BBOF1: variants seen among roughly 807,000 people sequenced by gnomAD.
The protein encoded by BBOF1 is basal body orientation factor 1, also known as basal body-orientation factor 1.
Under a neutral mutation model 68.0 loss-of-function variants are expected in BBOF1, and 62 were observed. The observed-to-expected ratio is 0.91, with a 90% CI of 0.74 to 1.13. The LOEUF (loss-of-function observed/expected upper bound fraction) is 1.13. Ranked by LOEUF, BBOF1 falls within the 50% of genes most tolerant of loss-of-function variation. The pLI, the probability that BBOF1 is intolerant of heterozygous loss-of-function variation, is 0.00. For missense variants in BBOF1, 534 were observed against 600.1 expected (o/e 0.89, Z 1.15); for synonymous variants, 208 against 198.8 (o/e 1.05, Z -0.39).
chr14:74,033,077 C>A (rs1448349253), intron 3 of BBOF1, among the ~76,000 whole-genome samples: 1 of 152,036 alleles, frequency 6.6e-6, no homozygotes, highest in Non-Finnish European at 1.5e-5. Flanking sequence ...ACCACACTCC[C>A]TTTGACTCCT....
rs1462444890 is a variant in BBOF1, at chr14:74,060,718, G to T, written c.1578+3460G>T. 1.2e-6 allele frequency: 2 copies of T among 1,613,408 alleles called. No individual in the cohort carries two copies. Among genetic ancestry groups the T allele is most frequent in the Non-Finnish European group, 1.7e-6 (2 of 1,179,398 alleles). The stretch of plus-strand genomic sequence containing the variant: ...TTCTTCTTTCCACTGAGAAGTAATG[G>T]TCTTTAACTGAGTGTAGAATTGGAT... On this transcript the variant is annotated intron_variant, in intron 11 of 11. Coordinates refer to ENST00000394009, the MANE Select transcript of BBOF1 (RefSeq NM_025057.3).
intron 3 of BBOF1, among the ~76,000 whole-genome samples, chr14:74,033,370 C>T (rs946149372): frequency 1.3e-5 from 2 of 151,296 alleles, no homozygotes; most frequent in Non-Finnish European, 2.9e-5. Context: ...GAGTTCAAGA[C>T]CAGCCTGGCC....
At chr14:74,039,612 A>G (rs950690775) in intron 4 of BBOF1, among the ~76,000 whole-genome samples, 1 of 135,066 alleles carries the variant, frequency 7.4e-6, no homozygotes, top group Non-Finnish European at 1.6e-5. Context: ...TTTTTTTTGT[A>G]TTTAGTAGAG....
At chr14:74,026,026 A>G (rs1219174822) in intron 2 of BBOF1, among the ~76,000 whole-genome samples, 6 of 151,806 alleles carry the variant, frequency 4.0e-5, no homozygotes, top group Non-Finnish European at 8.8e-5. Context: ...CTGCAGTCCC[A>G]GCTGCTTGGG....
intron 5 of BBOF1, among the ~76,000 whole-genome samples, chr14:74,043,900 T>G (rs886990662): frequency 6.6e-6 from 1 of 151,944 alleles, no homozygotes; most frequent in African/African-American, 2.4e-5. Flanking sequence ...TCTGGATCAT[T>G]CTTATTTAGA....
chr14:74,046,110 A>G lies in BBOF1; in HGVS notation c.627A>G (p.Arg209=). Reference sequence around the variant, plus strand: ...AGAAGATAATAATGCTAGCAGAGAGAGCCCACCATGAGGCTATTGTGTAAG... The same window carrying G: ...AGAAGATAATAATGCTAGCAGAGAGGGCCCACCATGAGGCTATTGTGTAAG... ...AEKKIIMLAE[R]AHHEAIVQLN... The change falls in exon 6 of 12, where the codon AGA becomes AGG. Residue 209 remains arginine (R), a synonymous_variant. Coordinates refer to ENST00000394009, the MANE Select transcript of BBOF1 (RefSeq NM_025057.3). 6.2e-7 allele frequency: 1 copy of G among 1,608,504 alleles called. No homozygotes were observed. Among genetic ancestry groups the G allele is most frequent in the Non-Finnish European group, 8.5e-7 (1 of 1,177,464 alleles).
intron 11 of BBOF1, chr14:74,059,084 CA>C (rs35760969): frequency 0.25 from 12,271 of 49,740 alleles, 201 homozygotes; most frequent in Admixed American, 0.28. Flanking sequence ...AACTCCATCT[CA>C]AAAAAAAAAA....
At position 74,055,612 on chromosome 14, in the gene BBOF1, G is replaced by A. The variant is rs149259494; in HGVS notation, c.1315G>A (p.Gly439Arg). 2.4e-4 allele frequency: 391 copies of A among 1,613,460 alleles called. No individual in the cohort carries two copies. The highest frequency in any genetic ancestry group is 3.2e-4 in the Non-Finnish European group (377 of 1,179,688). ...ACATATTGAAGGAAATGTGGATATTGGAGATTTGACCTGGGAGCAGAAGGA... is the reference window on the plus strand; with the variant it reads ...ACATATTGAAGGAAATGTGGATATTAGAGATTTGACCTGGGAGCAGAAGGA... Reference protein sequence around the residue: ...WTHIEGNVDIGDLTWEQKEKV... With the variant: ...WTHIEGNVDIRDLTWEQKEKV... Residue 439 changes from glycine (G) to arginine (R), a missense_variant, in exon 9 of 12, where the codon GGA (glycine) becomes AGA (arginine). Transcript: ENST00000394009.
At chr14:74,025,557 TCCCC>T (rs1448590107) in intron 2 of BBOF1, among the ~76,000 whole-genome samples, 1 of 152,194 alleles carries the variant, frequency 6.6e-6, no homozygotes, top group Non-Finnish European at 1.5e-5. Context: ...ATTAGGAGAT[TCCCC>T]TTAAGAGAAT....
chr14:74,065,065 G>C lies in BBOF1; in HGVS notation c.*366G>C. On this transcript the variant is annotated 3_prime_UTR_variant, in exon 12 of 12. Coordinates refer to ENST00000394009, the MANE Select transcript of BBOF1 (RefSeq NM_025057.3). ...ACTTTCATTCCTGAGGAAGAAATGG[G>C]GCAATGTGGGAGGTCATGGGGGCAA... The C allele has an allele frequency of 7.1e-7, 1 of 1,404,410 alleles. No individual in the cohort carries two copies. 87.0% of individuals were successfully genotyped at this position (1,404,410 alleles called of 1,614,324 possible).
intron 3 of BBOF1, among the ~76,000 whole-genome samples, chr14:74,029,453 C>T (rs1393404836): frequency 1.2e-4 from 18 of 151,882 alleles, no homozygotes; most frequent in South Asian, 4.2e-4. Flanking sequence ...GATGCTGAGG[C>T]GGCGGATCAC....
chr14:74,062,157 A>G (rs903476433), intron 11 of BBOF1, among the ~76,000 whole-genome samples: 6 of 151,478 alleles, frequency 4.0e-5, no homozygotes, highest in Non-Finnish European at 8.8e-5. Context: ...AGAATGCACC[A>G]TTGCACTCCA....
chr14:74,053,965 C>G (rs1296225627), intron 8 of BBOF1, among the ~76,000 whole-genome samples: 3 of 152,002 alleles, frequency 2.0e-5, no homozygotes, highest in African/African-American at 7.2e-5. Flanking sequence ...AGATCTGCCT[C>G]CAGGGTTCAA....
chr14:74,060,239 A>C lies in BBOF1; in HGVS notation c.1578+2981A>C, dbSNP rs1135885. The C allele has an allele frequency of 4.7e-3, 861 of 181,914 alleles. 12 individuals carry two copies. Among genetic ancestry groups the C allele is most frequent in the African/African-American group, 0.02 (831 of 42,498 alleles). 11.3% of individuals were successfully genotyped at this position (181,914 alleles called of 1,614,324 possible). Reference sequence around the variant, plus strand: ...GTTCTTCAACTCCTGGGCTCAAGCAATCTGCCCACTGTGGCCTCCCAAAAT... The same window carrying C: ...GTTCTTCAACTCCTGGGCTCAAGCACTCTGCCCACTGTGGCCTCCCAAAAT... On this transcript the variant is annotated intron_variant, in intron 11 of 11. Transcript: ENST00000394009.
At chr14:74,023,910 C>G (rs956439559) in intron 2 of BBOF1, among the ~76,000 whole-genome samples, 1 of 131,480 alleles carries the variant, frequency 7.6e-6, no homozygotes, top group Non-Finnish European at 1.5e-5. Context: ...GGCGACAGAG[C>G]GAGAGACTCC....
downstream of BBOF1, among the ~76,000 whole-genome samples, chr14:74,066,398 A>T (rs907083022): frequency 1.3e-5 from 2 of 152,192 alleles, no homozygotes; most frequent in African/African-American, 4.8e-5. Context: ...GAACACAGCC[A>T]CACAATGTTT....
At chr14:74,078,313 A>G in exon 10 of BBOF1, 3 of 453,746 alleles carry the variant, frequency 6.6e-6, no homozygotes, top group Admixed American at 2.4e-5. Context: ...AGTGACCGAG[A>G]CAGTGGTGCA....
chr14:74,067,363 G>A, downstream of BBOF1: 1 of 1,612,302 alleles, frequency 6.2e-7, no homozygotes. Flanking sequence ...AAGGGGGCAA[G>A]TCAGGTGATT....
rs756813105 is a variant in BBOF1, at chr14:74,071,969, T to G, written n.1380-6227T>G. On this transcript the variant is annotated intron_variant and non_coding_transcript_variant, in intron 9 of 12. Coordinates refer to the BBOF1 transcript ENST00000492026. The stretch of plus-strand genomic sequence containing the variant: ...GTTCCAATGTGATTAACTTGGCAAT[T>G]TCTTTCTAGAGAGAAGACACACAAA... The G allele has an allele frequency of 3.7e-6, 6 of 1,613,988 alleles. No individual in the cohort carries two copies. In the South Asian group the frequency reaches 5.5e-5, roughly 15 times the overall value.
Sources: allele counts gnomAD v4.1 joint callset (sites outside exome capture counted in the v4.1 genomes callset), GRCh38; gene constraint gnomAD v4.1.1; transcripts MANE v1.5; gene names NCBI Gene and HGNC (gene_info 2026-07-23, HGNC 2026-07-21).